The following LRRC75B variants were observed in gnomAD, a reference collection of about 807,000 sequenced individuals.
LRRC75B encodes the protein leucine rich repeat containing 75B.
LRRC75B carries 20 observed loss-of-function variants against 16.5 expected under a neutral mutation model. That is an observed-to-expected ratio of 1.21 (90% CI 0.85 to 1.76). The LOEUF is 1.76. Ranked by LOEUF, LRRC75B falls within the 40% of genes most tolerant of loss-of-function variation. The probability of loss-of-function intolerance (pLI) is 0.00; values close to 1 mark genes in which losing one functional copy is unlikely to be tolerated. For missense variants in LRRC75B, 406 were observed against 417.0 expected (o/e 0.97, Z 0.23); for synonymous variants, 199 against 198.1 (o/e 1.00, Z -0.04).
intron 1 of LRRC75B, chr22:24,592,074 TC>T (rs1484606603): frequency 5.8e-6 from 2 of 345,902 alleles, no homozygotes; most frequent in East Asian, 1.7e-4. Context: ...ATGGCTGACT[TC>T]CTGCTCACAG....
In LRRC75B at chr22:24,585,967, G is replaced by A. The variant is rs201248071; in HGVS notation, c.867C>T (p.Ala289=). The change falls in exon 4 of 4, where the codon GCC becomes GCT. Residue 289 remains alanine, a synonymous_variant. Coordinates refer to ENST00000318753, the MANE Select transcript of LRRC75B (RefSeq NM_207644.3). ...AGGTGGAGGCAGGGGTGGTGGCCCC[G>A]GCCGCACTGCCCTCAGGCTCAAGGT... The part of the protein sequence containing the change: ...GLDLEPEGSA[A]GATTPASTWD... 1.5e-3 allele frequency: 2,435 copies of A among 1,609,838 alleles called. 41 individuals are homozygous for A. The highest frequency in any genetic ancestry group is 4.5e-3 in the South Asian group (411 of 91,070).
intron 1 of LRRC75B, 22 bp from the exon 2 acceptor site, chr22:24,589,971 T>C (rs751405456): frequency 1.8e-5 from 28 of 1,562,716 alleles, no homozygotes; most frequent in African/African-American, 1.1e-4. Context: ...GAAGAGAGAG[T>C]TGAGTGAGCC....
rs924614918 is a variant in LRRC75B, at chr22:24,586,184, C to T, written c.650G>A (p.Gly217Asp). 6.2e-7 allele frequency: 1 copy of T among 1,613,578 alleles called. No homozygotes were observed. The highest frequency in any genetic ancestry group is 8.5e-7 in the Non-Finnish European group (1 of 1,180,010). Residue 217 changes from glycine (G) to aspartate (D), a missense_variant, in exon 4 of 4, where the codon GGC becomes GAC. Gly to Asp is a moderately conservative substitution (Grantham distance 94). Coordinates refer to ENST00000318753, the MANE Select transcript of LRRC75B (RefSeq NM_207644.3). ...LPRLTQLLLN[G>D]NRLTRATARK... is the part of the protein sequence containing the mutation. ...GGCAGTGGCCCGCGTCAGTCGGTTG[C>T]CGTTGAGCAGGAGCTGGGTGAGGCG... is the stretch of plus-strand genomic sequence containing the variant.
At position 24,589,769 on chromosome 22, in the gene LRRC75B, C is replaced by G. The variant is rs1471540190; in HGVS notation, c.306+52G>C. ...AGTCCCCAGCCCTGGGCTCTGTTGG[C>G]CCCCCTGTCCACCACAGTGCCCAGC... On this transcript the variant is annotated intron_variant, in intron 2 of 3. Coordinates refer to ENST00000318753, the MANE Select transcript of LRRC75B (RefSeq NM_207644.3). 4 of 837,198 alleles carry G rather than the reference C, an allele frequency of 4.8e-6. No individual in the cohort carries two copies. The East Asian group carries it at 1.5e-4, about 31-fold the overall frequency. 51.9% of individuals were successfully genotyped at this position (837,198 alleles called of 1,614,324 possible).
chr22:24,585,666 C>T lies in LRRC75B; in HGVS notation c.*220G>A. 4 of 591,488 alleles carry T rather than the reference C, an allele frequency of 6.8e-6. No individual in the cohort carries two copies. The South Asian group carries it at 8.4e-5, about 12-fold the overall frequency. The allele number at this position is 591,488 out of a possible 1,614,324, so 36.6% of individuals were successfully genotyped here. Reference sequence around the variant, plus strand: ...GTCACTCTTTATTGCGGGGTCCACACTGTGGGTGCTGGGGCCCCTCCCACT... The same window carrying T: ...GTCACTCTTTATTGCGGGGTCCACATTGTGGGTGCTGGGGCCCCTCCCACT... On this transcript the variant is annotated 3_prime_UTR_variant, in exon 4 of 4. Coordinates refer to ENST00000318753, the MANE Select transcript of LRRC75B (RefSeq NM_207644.3).
chr22:24,589,270 G>T (rs532886294), intron 2 of LRRC75B: 3 of 1,257,590 alleles, frequency 2.4e-6, no homozygotes, highest in South Asian at 2.7e-5. Context: ...GGGCAGCTGT[G>T]GGGTGGAGGC....
chr22:24,589,982 C>T (rs756945794), intron 1 of LRRC75B, 33 bp from the exon 2 acceptor site: 12 of 1,535,042 alleles, frequency 7.8e-6, no homozygotes, highest in East Asian at 2.4e-5. Context: ...TGAGTGAGCC[C>T]GTTGGGTCTC....
chr22:24,592,776 C>A (rs1015662782), intron 1 of LRRC75B, 87 bp downstream of exon 1: 167 of 1,283,722 alleles, frequency 1.3e-4, no homozygotes, highest in Non-Finnish European at 1.6e-4. Flanking sequence ...TACAGGCCCA[C>A]AACCCATAGC....
rs757151379 is a variant in LRRC75B, at chr22:24,586,057, C to G, written c.777G>C (p.Leu259=). 1.9e-6 allele frequency: 3 copies of G among 1,611,958 alleles called. No individual in the cohort carries two copies. Among genetic ancestry groups the G allele is most frequent in the Non-Finnish European group, 2.5e-6 (3 of 1,179,934 alleles). ...NVDVASLPQP[L]LVGLRRRLSQ... ...TCAGCCGCCGGCGCAGGCCGACCAG[C>G]AGGGGCTGGGGCAGGGAAGCCACAT... The change falls in exon 4 of 4, where the codon CTG becomes CTC. Residue 259 remains leucine (L), a synonymous_variant. Coordinates refer to ENST00000318753, the MANE Select transcript of LRRC75B (RefSeq NM_207644.3).
chr22:24,589,491 G>A (rs2045502998), intron 2 of LRRC75B: 1 of 584,864 alleles, frequency 1.7e-6, no homozygotes, highest in South Asian at 3.3e-5. Flanking sequence ...TCTCAGAACA[G>A]TCTGTGACCC....
chr22:24,592,760 G>A, intron 1 of LRRC75B, 103 bp downstream of exon 1: 1 of 1,280,202 alleles, frequency 7.8e-7, no homozygotes, highest in Non-Finnish European at 9.9e-7. Flanking sequence ...CTCGCCTCCC[G>A]GCGGATACAG....
chr22:24,588,870 C>G, intron 2 of LRRC75B: 1 of 1,007,514 alleles, frequency 9.9e-7, no homozygotes, highest in Admixed American at 5.5e-5. Flanking sequence ...CACCACCTGG[C>G]TCTCTCTCAG....
chr22:24,592,815 A>C, intron 1 of LRRC75B, 48 bp downstream of exon 1: 1 of 1,261,818 alleles, frequency 7.9e-7, no homozygotes, highest in Non-Finnish European at 1.0e-6. Context: ...CCAGACCCCC[A>C]GACCCTCCCT....
intron 1 of LRRC75B, among the ~76,000 whole-genome samples, chr22:24,590,155 C>T (rs2045527103): frequency 6.6e-6 from 1 of 152,110 alleles, no homozygotes; most frequent in Non-Finnish European, 1.5e-5. Flanking sequence ...TTTTTTGAGA[C>T]AGGGTCTCAC....
At chr22:24,589,997 C>A in intron 1 of LRRC75B, 48 bp from the exon 2 acceptor site, 1 of 1,506,726 alleles carries the variant, frequency 6.6e-7, no homozygotes, top group Non-Finnish European at 8.9e-7. Flanking sequence ...GGTCTCCCAT[C>A]TCGAGGCACC....
At chr22:24,586,867 A>G (rs1162003025) in intron 3 of LRRC75B, among the ~76,000 whole-genome samples, 3 of 152,230 alleles carry the variant, frequency 2.0e-5, no homozygotes, top group South Asian at 2.1e-4. Flanking sequence ...GCCATGGGCA[A>G]TGCTCAGAGG....
intron 2 of LRRC75B, chr22:24,589,064 C>CT: frequency 9.7e-7 from 1 of 1,034,954 alleles, no homozygotes; most frequent in Non-Finnish European, 1.2e-6. Flanking sequence ...GTGGGCTAGG[C>CT]GCAGAGTCCT....
At chr22:24,587,907 T>C (rs1276998499) in intron 3 of LRRC75B, among the ~76,000 whole-genome samples, 2 of 151,734 alleles carry the variant, frequency 1.3e-5, no homozygotes, top group Admixed American at 6.6e-5. Flanking sequence ...TCACCTTGGC[T>C]GTTGGGTGGA....
chr22:24,586,353 T>G lies in LRRC75B; in HGVS notation c.481A>C (p.Ile161Leu). ...LAGETVDLSG[I>L]PLSTQDVQHI... ...TGCACGTCCTGTGTCGACAGCGGGA[T>G]GCCTGAGAGGTCCACAGTCTCCCCT... Residue 161 changes from isoleucine to leucine, a missense_variant, in exon 4 of 4, where the codon ATC becomes CTC. Ile to Leu is a conservative substitution (Grantham distance 5). Coordinates refer to ENST00000318753, the MANE Select transcript of LRRC75B (RefSeq NM_207644.3). 6.2e-7 allele frequency: 1 copy of G among 1,613,904 alleles called. No individual in the cohort carries two copies.
Sources: allele counts gnomAD v4.1 joint callset (sites outside exome capture counted in the v4.1 genomes callset), GRCh38; gene constraint gnomAD v4.1.1; transcripts MANE v1.5; gene names NCBI Gene and HGNC (gene_info 2026-07-23, HGNC 2026-07-21).